MNAT1: variants seen among roughly 807,000 people sequenced by gnomAD.
MNAT1 encodes CDK-activating kinase assembly factor MAT1.
A neutral mutation model predicts 42.0 loss-of-function variants in MNAT1; 43 were observed. The ratio of observed to expected loss-of-function variants is 1.02; its 90% CI spans 0.80 to 1.32. The LOEUF (loss-of-function observed/expected upper bound fraction) is 1.32. MNAT1 is among the 40% of genes most tolerant of loss of function. The pLI, the probability that MNAT1 is intolerant of heterozygous loss-of-function variation, is 0.00. For missense variants in MNAT1, 306 were observed against 350.4 expected, an observed-to-expected ratio of 0.87 and a Z score of 1.01; for synonymous variants, 118 against 120.0, an observed-to-expected ratio of 0.98 and a Z score of 0.11.
At chr14:60,784,542 G>A (rs1171265556) in intron 1 of MNAT1, among the ~76,000 whole-genome samples, 1 of 151,480 alleles carries the variant, frequency 6.6e-6, no homozygotes, top group African/African-American at 2.4e-5. Flanking sequence ...GTGCAGTGGT[G>A]TGATCTCAGC....
At chr14:60,769,866 T>C (rs1053342685) in intron 1 of MNAT1, among the ~76,000 whole-genome samples, 1 of 152,166 alleles carries the variant, frequency 6.6e-6, no homozygotes, top group Non-Finnish European at 1.5e-5. Flanking sequence ...AGTCTTGATA[T>C]GTTGCCCAGG....
intron 6 of MNAT1, among the ~76,000 whole-genome samples, chr14:60,865,948 G>A (rs576780499): frequency 3.3e-5 from 5 of 152,092 alleles, no homozygotes; most frequent in African/African-American, 1.2e-4. Context: ...CTCCATTTCA[G>A]GGCTGTTTCA....
intron 6 of MNAT1, among the ~76,000 whole-genome samples, chr14:60,831,362 G>A (rs762194021): frequency 5.3e-5 from 8 of 152,094 alleles, no homozygotes; most frequent in African/African-American, 9.7e-5. Flanking sequence ...GGTGTGTGAT[G>A]TTCCCCTCCC....
chr14:60,811,055 T>C (rs531081389), intron 4 of MNAT1, among the ~76,000 whole-genome samples: 1 of 152,282 alleles, frequency 6.6e-6, no homozygotes, highest in African/African-American at 2.4e-5. Context: ...TATCTTTCTA[T>C]ATGTTGATCC....
chr14:60,819,563 A>T (rs1281452896), intron 6 of MNAT1, among the ~76,000 whole-genome samples: 5 of 152,150 alleles, frequency 3.3e-5, no homozygotes, highest in Admixed American at 2.0e-4. Context: ...TAAATGTTTG[A>T]GGTGATGGAT....
At chr14:60,867,594 ATTACT>A (rs1022690321) in intron 6 of MNAT1, among the ~76,000 whole-genome samples, 2 of 152,100 alleles carry the variant, frequency 1.3e-5, no homozygotes, top group African/African-American at 4.8e-5. Context: ...GTAGAATCAA[ATTACT>A]TTACATTAAA....
chr14:60,814,647 A>G (rs1209915662), intron 5 of MNAT1, among the ~76,000 whole-genome samples: 1 of 152,192 alleles, frequency 6.6e-6, no homozygotes, highest in Non-Finnish European at 1.5e-5. Context: ...AGAGAAAGCA[A>G]GATTACTTAA....
At chr14:60,837,883 A>C (rs1241856200) in intron 6 of MNAT1, among the ~76,000 whole-genome samples, 1 of 152,240 alleles carries the variant, frequency 6.6e-6, no homozygotes, top group Non-Finnish European at 1.5e-5. Context: ...TCTGTGGGTT[A>C]ACAAAGCATT....
chr14:60,953,519 C>G (rs968029751), intron 7 of MNAT1, among the ~76,000 whole-genome samples: 4 of 152,108 alleles, frequency 2.6e-5, no homozygotes, highest in African/African-American at 7.2e-5. Flanking sequence ...TATGGAAGAT[C>G]TATCTTTTGT....
intron 3 of MNAT1, among the ~76,000 whole-genome samples, chr14:60,804,768 C>T (rs2032316993): frequency 6.6e-6 from 1 of 152,090 alleles, no homozygotes; most frequent in African/African-American, 2.4e-5. Context: ...GTCTCAAACT[C>T]CTGGCCTCAA....
chr14:60,788,548 G>A (rs536033096), intron 1 of MNAT1, among the ~76,000 whole-genome samples: 7 of 152,234 alleles, frequency 4.6e-5, no homozygotes, highest in South Asian at 2.1e-4. Flanking sequence ...AGTCCTAGAC[G>A]GCATCTTCCA....
intron 7 of MNAT1, among the ~76,000 whole-genome samples, chr14:60,907,987 A>T (rs563882861): frequency 2.1e-4 from 32 of 152,256 alleles, no homozygotes; most frequent in African/African-American, 7.0e-4. Context: ...AACAAAAAGT[A>T]TTCTCCAGGT....
chr14:60,755,332 C>T (rs913955161), intron 1 of MNAT1, among the ~76,000 whole-genome samples: 14 of 152,090 alleles, frequency 9.2e-5, no homozygotes, highest in Non-Finnish European at 1.8e-4. Context: ...TTAGTGGAGA[C>T]GGGGTTTCAC....
At chr14:60,837,614 G>A (rs936911988) in intron 6 of MNAT1, among the ~76,000 whole-genome samples, 2 of 152,118 alleles carry the variant, frequency 1.3e-5, no homozygotes, top group African/African-American at 2.4e-5. Flanking sequence ...GAAATCACCC[G>A]CCTTCTGCAT....
At chr14:60,866,586 C>CTTTTATGT (rs932921907) in intron 6 of MNAT1, among the ~76,000 whole-genome samples, 22 of 151,982 alleles carry the variant, frequency 1.4e-4, no homozygotes, top group Admixed American at 1.1e-3. Context: ...AATGCTGTTC[C>CTTTTATGT]TTTTATGTTT....
chr14:60,859,619 C>T (rs746051224), intron 6 of MNAT1, among the ~76,000 whole-genome samples: 4 of 152,144 alleles, frequency 2.6e-5, no homozygotes, highest in South Asian at 2.1e-4. Context: ...TTTCTTTAAA[C>T]GCACTACTGT....
intron 1 of MNAT1, among the ~76,000 whole-genome samples, chr14:60,783,965 G>T (rs920733300): frequency 1.3e-5 from 2 of 151,998 alleles, no homozygotes; most frequent in Non-Finnish European, 2.9e-5. Context: ...AAGTAGCTGG[G>T]ACTACAGGCC....
intron 1 of MNAT1, among the ~76,000 whole-genome samples, chr14:60,786,405 T>C (rs1236404789): frequency 1.3e-5 from 2 of 152,168 alleles, no homozygotes; most frequent in African/African-American, 4.8e-5. Context: ...TTGTTCATTA[T>C]AAGCAATCTT....
In MNAT1 at chr14:60,890,668, C is replaced by T. The variant is rs901951015; in HGVS notation, c.809+10833C>T. Among the ~76,000 whole-genome samples, 10 of 152,108 alleles carry T rather than the reference C, an allele frequency of 6.6e-5. No homozygotes were observed. In the East Asian group the frequency reaches 7.7e-4, roughly 12 times the overall value. On this transcript the variant is annotated intron_variant, in intron 7 of 7. Coordinates refer to ENST00000261245, the MANE Select transcript of MNAT1 (RefSeq NM_002431.4). ...GGTTTAAGTCCAAGAGTCCACAAGC[C>T]GAAGAACTTGGAGTCCAATGTTTGA...
Sources: allele counts gnomAD v4.1 joint callset (sites outside exome capture counted in the v4.1 genomes callset), GRCh38; gene constraint gnomAD v4.1.1; transcripts MANE v1.5; gene names NCBI Gene and HGNC (gene_info 2026-07-23, HGNC 2026-07-21).